Variants in CHODL observed in about 807,000 individuals in gnomAD.
CHODL encodes the protein chondrolectin.
In CHODL, 29 loss-of-function variants were observed where a neutral mutation model predicts 34.5. The observed-to-expected ratio is 0.84, with a 90% CI of 0.63 to 1.15. The LOEUF (loss-of-function observed/expected upper bound fraction) is 1.15. Ranked by LOEUF, CHODL falls within the 50% of genes most tolerant of loss-of-function variation. The pLI is 0.00. For synonymous variants in CHODL, 125 were observed against 116.1 expected, an observed-to-expected ratio of 1.08 and a Z score of -0.49; for missense variants, 332 against 332.5, an observed-to-expected ratio of 1.00 and a Z score of 0.01.
intron 2 of CHODL, among the ~76,000 whole-genome samples, chr21:18,100,880 T>A (rs1416868014): frequency 6.6e-6 from 1 of 152,096 alleles, no homozygotes; most frequent in African/African-American, 2.4e-5. Context: ...GGTCTTAAGA[T>A]TTTTTTCCCC....
At chr21:18,165,752 G>C (rs893018669) in intron 2 of CHODL, among the ~76,000 whole-genome samples, 1 of 152,046 alleles carries the variant, frequency 6.6e-6, no homozygotes, top group Non-Finnish European at 1.5e-5. Context: ...TCAGTGGCAG[G>C]GTAAATAATC....
intron 5 of CHODL, 126 bp from the exon 6 acceptor site, chr21:18,265,828 G>A (rs2074452677): frequency 1.5e-6 from 1 of 656,556 alleles, no homozygotes. Context: ...GGAAGAATGG[G>A]AAAATATACT....
intron 2 of CHODL, among the ~76,000 whole-genome samples, chr21:18,226,978 G>A (rs1013631775): frequency 1.3e-5 from 2 of 152,134 alleles, no homozygotes; most frequent in Non-Finnish European, 2.9e-5. Flanking sequence ...ATCATAAACT[G>A]AGTAGAAATA....
intron 2 of CHODL, among the ~76,000 whole-genome samples, chr21:18,218,743 C>A (rs2073854933): frequency 6.6e-6 from 1 of 152,102 alleles, no homozygotes; most frequent in Admixed American, 6.5e-5. Context: ...TTCCACCGGT[C>A]AAGTTCAAAA....
At chr21:18,119,083 G>A (rs539462714) in intron 2 of CHODL, among the ~76,000 whole-genome samples, 4 of 152,242 alleles carry the variant, frequency 2.6e-5, no homozygotes, top group East Asian at 1.9e-4. Context: ...TTAGTGAGGT[G>A]TAATTTGCAT....
At chr21:18,004,695 A>G (rs1568840303) in intron 1 of CHODL, among the ~76,000 whole-genome samples, 2 of 152,190 alleles carry the variant, frequency 1.3e-5, no homozygotes, top group South Asian at 4.1e-4. Flanking sequence ...ACTCTTACAT[A>G]CCCATACACT....
chr21:18,200,343 G>A (rs2073638101), intron 2 of CHODL, among the ~76,000 whole-genome samples: 1 of 152,102 alleles, frequency 6.6e-6, no homozygotes, highest in East Asian at 1.9e-4. Context: ...ATTAAATTGA[G>A]CTTTCAAGTA....
At chr21:17,988,761 G>A (rs994406296) in intron 1 of CHODL, among the ~76,000 whole-genome samples, 4 of 151,414 alleles carry the variant, frequency 2.6e-5, no homozygotes, top group African/African-American at 9.7e-5. Flanking sequence ...GTATTCCATG[G>A]TGTATATGTG....
chr21:17,954,384 G>C (rs184161390), intron 1 of CHODL, among the ~76,000 whole-genome samples: 62 of 151,268 alleles, frequency 4.1e-4, no homozygotes, highest in Admixed American at 2.2e-3. Context: ...TAGATATTCA[G>C]ATATCTAGTT....
chr21:18,200,031 A>G (rs2073634159), intron 2 of CHODL, among the ~76,000 whole-genome samples: 1 of 152,170 alleles, frequency 6.6e-6, no homozygotes, highest in Non-Finnish European at 1.5e-5. Context: ...GAAACTTTCA[A>G]ACTCTTGAAA....
At chr21:18,042,707 C>G (rs965576163) in intron 2 of CHODL, among the ~76,000 whole-genome samples, 3 of 151,826 alleles carry the variant, frequency 2.0e-5, no homozygotes, top group African/African-American at 7.3e-5. Context: ...CATAAACTTT[C>G]AGGTAAAATA....
rs1491060343 is a variant in CHODL, at chr21:17,963,079, T to TAAC, written c.-145+45681_-145+45682insCAA. 1.1e-4 allele frequency among the ~76,000 whole-genome samples: 13 copies of TAAC among 116,746 alleles called. No homozygotes were observed. In the East Asian group the frequency reaches 2.6e-3, roughly 23 times the overall value. 76.6% of individuals were successfully genotyped at this position (116,746 alleles called of 152,430 possible). ...ACTATGTCTCAAAAAAAAAAAATAATAATAATAATAATAATAACTTCCTTC... is the reference window on the plus strand; with the variant it reads ...ACTATGTCTCAAAAAAAAAAAATAATAACAATAATAATAATAATAACTTCCTTC... On this transcript the variant is annotated intron_variant, in intron 1 of 6. Transcript: ENST00000400127.
intron 2 of CHODL, among the ~76,000 whole-genome samples, chr21:18,145,789 G>T (rs900078797): frequency 3.9e-4 from 60 of 152,158 alleles, no homozygotes; most frequent in Non-Finnish European, 3.2e-4. Context: ...CTTTCACTTT[G>T]TGATGATTTC....
intron 1 of CHODL, among the ~76,000 whole-genome samples, chr21:18,252,108 T>C (rs1241559795): frequency 6.6e-6 from 1 of 152,120 alleles, no homozygotes; most frequent in African/African-American, 2.4e-5. Flanking sequence ...GTTTGTAGAA[T>C]CCTGGGCAGA....
At chr21:18,184,993 C>T (rs551619475) in intron 2 of CHODL, among the ~76,000 whole-genome samples, 57 of 152,232 alleles carry the variant, frequency 3.7e-4, no homozygotes, top group Non-Finnish European at 7.1e-4. Context: ...CCAGCAACAA[C>T]TTGTCTCTCT....
chr21:18,162,473 G>A (rs1449174576), intron 2 of CHODL, among the ~76,000 whole-genome samples: 1 of 151,714 alleles, frequency 6.6e-6, no homozygotes, highest in Admixed American at 6.6e-5. Context: ...ATGTAAGTGT[G>A]TGTGTCTGTG....
At chr21:18,259,698 CT>C (rs2074358115) in intron 3 of CHODL, among the ~76,000 whole-genome samples, 2 of 152,174 alleles carry the variant, frequency 1.3e-5, no homozygotes, top group Admixed American at 1.3e-4. Flanking sequence ...AGAAATGTGG[CT>C]TAGAACGTTG....
At chr21:18,149,223 C>G (rs1232942565) in intron 2 of CHODL, among the ~76,000 whole-genome samples, 1 of 152,202 alleles carries the variant, frequency 6.6e-6, no homozygotes, top group East Asian at 1.9e-4. Flanking sequence ...ACTATTCCAT[C>G]TGACAATAAT....
intron 1 of CHODL, among the ~76,000 whole-genome samples, chr21:17,949,785 A>G (rs1568812908): frequency 1.3e-5 from 2 of 152,182 alleles, no homozygotes; most frequent in African/African-American, 2.4e-5. Context: ...TCTAAAGTAA[A>G]GGGGGTAAAT....
Sources: allele counts gnomAD v4.1 joint callset (sites outside exome capture counted in the v4.1 genomes callset), GRCh38; gene constraint gnomAD v4.1.1; transcripts MANE v1.5; gene names NCBI Gene and HGNC (gene_info 2026-07-23, HGNC 2026-07-21).